Variants in DHX15 observed in about 807,000 individuals in gnomAD.
DHX15 encodes DEAH-box helicase 15, also known as ATP-dependent RNA helicase DHX15.
A neutral mutation model predicts 94.4 loss-of-function variants in DHX15; 11 were observed. The ratio of observed to expected loss-of-function variants is 0.12; its 90% CI spans 0.07 to 0.19. The LOEUF is 0.19. DHX15 is among the 10% of genes least tolerant of loss of function. The pLI, the probability that DHX15 is intolerant of heterozygous loss-of-function variation, is 1.00. For missense variants in DHX15, 304 were observed against 988.5 expected (o/e 0.31, Z 9.29); for synonymous variants, 338 against 329.9 (o/e 1.02, Z -0.27).
intron 5 of DHX15, 78 bp from the exon 6 acceptor site, chr4:24,549,100 CTGTTT>C (rs1721529531): frequency 8.1e-6 from 10 of 1,239,662 alleles, no homozygotes; most frequent in Admixed American, 4.9e-5. Context: ...TCTATGCAGT[CTGTTT>C]TATGTATGCC....
intron 8 of DHX15, among the ~76,000 whole-genome samples, chr4:24,541,565 C>A (rs1721313320): frequency 6.6e-6 from 1 of 151,932 alleles, no homozygotes; most frequent in Non-Finnish European, 1.5e-5. Context: ...AAAATCACAT[C>A]TAAAGAAAGA....
chr4:24,540,615 T>G (rs1721288650), intron 9 of DHX15, among the ~76,000 whole-genome samples: 1 of 149,780 alleles, frequency 6.7e-6, no homozygotes, highest in Admixed American at 6.7e-5. Context: ...ATAATTCAAT[T>G]TACCCAAACC....
At chr4:24,559,191 T>C (rs1360068508) in intron 3 of DHX15, among the ~76,000 whole-genome samples, 2 of 152,004 alleles carry the variant, frequency 1.3e-5, no homozygotes, top group African/African-American at 4.8e-5. Context: ...AGGCAGAGAC[T>C]GTGGTTACAA....
At chr4:24,552,694 A>T (rs1022455396) in intron 5 of DHX15, among the ~76,000 whole-genome samples, 3 of 152,254 alleles carry the variant, frequency 2.0e-5, no homozygotes, top group African/African-American at 7.2e-5. Context: ...AAATGTAAAC[A>T]AAACGTTAGG....
chr4:24,544,816 A>G (rs1267024398), intron 6 of DHX15, among the ~76,000 whole-genome samples: 1 of 152,176 alleles, frequency 6.6e-6, no homozygotes, highest in Admixed American at 6.5e-5. Context: ...AATGCTCTAT[A>G]AACTATACAG....
At chr4:24,559,685 G>T (rs1201004742) in intron 3 of DHX15, among the ~76,000 whole-genome samples, 1 of 152,124 alleles carries the variant, frequency 6.6e-6, no homozygotes, top group Non-Finnish European at 1.5e-5. Flanking sequence ...ACTTTACTGG[G>T]TGCCTTACTA....
chr4:24,542,474 C>T lies in DHX15; in HGVS notation c.1336-452G>A, dbSNP rs150454225. Among the ~76,000 whole-genome samples the T allele has an allele frequency of 2.6e-5, 4 of 152,122 alleles. No individual in the cohort carries two copies. In the East Asian group the frequency reaches 5.8e-4, roughly 22 times the overall value. ...TCCAAAAGATATTTGAAAAATAAAA[C>T]GTATTTATTGAATAGCCACTTCACC... is the stretch of plus-strand genomic sequence containing the variant. On this transcript the variant is annotated intron_variant, in intron 7 of 13. Transcript: ENST00000336812.
At chr4:24,561,872 C>T (rs1208717862) in intron 3 of DHX15, among the ~76,000 whole-genome samples, 2 of 151,868 alleles carry the variant, frequency 1.3e-5, no homozygotes, top group East Asian at 3.9e-4. Flanking sequence ...TACACCAGCC[C>T]GTAATCCCAG....
chr4:24,531,424 C>G (rs998314213), intron 12 of DHX15, among the ~76,000 whole-genome samples: 10 of 151,860 alleles, frequency 6.6e-5, no homozygotes, highest in Non-Finnish European at 1.2e-4. Flanking sequence ...AATTTAAGAA[C>G]ATGTCAACCC....
Position 24,535,642 on chromosome 4 carries a change from C to G in DHX15, c.1909+1409G>C, listed in dbSNP as rs183147742. 1.1e-3 allele frequency among the ~76,000 whole-genome samples: 167 copies of G among 152,288 alleles called. 2 individuals carry two copies. The highest frequency in any genetic ancestry group is 1.8e-4 in the Non-Finnish European group (12 of 68,018). ...GGCCTGGGCAGAGAAGGGCTCCATT[C>G]TTTCTCACTGCTAGTCATCAATTCT... On this transcript the variant is annotated intron_variant, in intron 11 of 13. Transcript: ENST00000336812.
intron 3 of DHX15, 49 bp downstream of exon 3, chr4:24,570,605 A>G: frequency 6.4e-7 from 1 of 1,572,456 alleles, no homozygotes; most frequent in East Asian, 2.2e-5. Context: ...CTAATAGCAG[A>G]AAATGGCAAG....
intron 3 of DHX15, among the ~76,000 whole-genome samples, chr4:24,558,963 G>A (rs888781554): frequency 6.6e-6 from 1 of 152,010 alleles, no homozygotes; most frequent in African/African-American, 2.4e-5. Context: ...AAATTTCATA[G>A]CAAAAAGCTA....
chr4:24,558,225 G>C (rs1004553958), intron 3 of DHX15, among the ~76,000 whole-genome samples: 11 of 152,194 alleles, frequency 7.2e-5, no homozygotes, highest in African/African-American at 2.6e-4. Flanking sequence ...AGCATTCACA[G>C]GCAATAATAA....
In DHX15 at chr4:24,581,889, T is replaced by C. The variant is rs79504976; in HGVS notation, c.71+2434A>G. ...AACAGAAACCTATAATAACTTCACC[T>C]GATTTCAAAGTTAAAATATGCCAGG... is the stretch of plus-strand genomic sequence containing the variant. On this transcript the variant is annotated intron_variant, in intron 1 of 13. Coordinates refer to ENST00000336812, the MANE Select transcript of DHX15 (RefSeq NM_001358.3). Among the ~76,000 whole-genome samples, 332 of 152,342 alleles carry C rather than the reference T, an allele frequency of 2.2e-3. 1 individual carries two copies. Among genetic ancestry groups the C allele is most frequent in the African/African-American group, 7.6e-3 (317 of 41,582 alleles).
intron 13 of DHX15, among the ~76,000 whole-genome samples, chr4:24,528,347 A>G (rs1167651208): frequency 6.6e-6 from 1 of 152,202 alleles, no homozygotes; most frequent in Non-Finnish European, 1.5e-5. Context: ...CTGGCACACT[A>G]TTAATTTGCC....
intron 3 of DHX15, among the ~76,000 whole-genome samples, chr4:24,557,797 CT>C: frequency 6.6e-6 from 1 of 152,178 alleles, no homozygotes; most frequent in Non-Finnish European, 1.5e-5. Flanking sequence ...TAGCCCTTAG[CT>C]GCTTTGAAAT....
rs1722282675 is a variant in DHX15, at chr4:24,576,985, G to T, written c.72-307C>A. Among the ~76,000 whole-genome samples the T allele has an allele frequency of 3.3e-5, 5 of 152,144 alleles. No individual in the cohort carries two copies. The South Asian group carries it at 8.3e-4, about 25-fold the overall frequency. On this transcript the variant is annotated intron_variant, in intron 1 of 13. Transcript: ENST00000336812. Reference sequence around the variant, plus strand: ...TTAGACAACAGAAATCAGATACTGAGGGTAGGATGAAGAAAGGATAGGTCC... The same window carrying T: ...TTAGACAACAGAAATCAGATACTGATGGTAGGATGAAGAAAGGATAGGTCC...
At chr4:24,582,710 C>T (rs1722443758) in intron 1 of DHX15, among the ~76,000 whole-genome samples, 1 of 152,178 alleles carries the variant, frequency 6.6e-6, no homozygotes, top group Non-Finnish European at 1.5e-5. Flanking sequence ...CTGCTGTAAA[C>T]TTGCACAAGC....
chr4:24,580,516 T>C (rs1198859165), intron 1 of DHX15, among the ~76,000 whole-genome samples: 2 of 151,914 alleles, frequency 1.3e-5, no homozygotes, highest in African/African-American at 4.8e-5. Context: ...ATTGCTTTTT[T>C]TTTTTTTTTT....
Sources: allele counts gnomAD v4.1 joint callset (sites outside exome capture counted in the v4.1 genomes callset), GRCh38; gene constraint gnomAD v4.1.1; transcripts MANE v1.5; gene names NCBI Gene and HGNC (gene_info 2026-07-23, HGNC 2026-07-21).